TSHZ2: variants seen among roughly 807,000 people sequenced by gnomAD.
The protein encoded by TSHZ2 is teashirt homolog 2.
Under a neutral mutation model 74.4 loss-of-function variants are expected in TSHZ2, and 21 were observed. That is an observed-to-expected ratio of 0.28 (90% CI 0.20 to 0.41). The LOEUF (loss-of-function observed/expected upper bound fraction) is 0.41, where lower values mean the gene tolerates loss of function less well. Among genes scored for constraint, TSHZ2 ranks in the 10% least tolerant of loss-of-function variants. The probability of loss-of-function intolerance (pLI) is 1.00; values close to 1 mark genes in which losing one functional copy is unlikely to be tolerated. For missense variants in TSHZ2, 1,244 were observed against 1,293.5 expected, an observed-to-expected ratio of 0.96 and a Z score of 0.59; for synonymous variants, 540 against 515.3, an observed-to-expected ratio of 1.05 and a Z score of -0.65.
intron 1 of TSHZ2, among the ~76,000 whole-genome samples, chr20:53,049,706 G>A (rs752894104): frequency 3.9e-5 from 6 of 152,064 alleles, no homozygotes; most frequent in Non-Finnish European, 5.9e-5. Context: ...GGGAGGTGGG[G>A]TGGGGAAGGA....
intron 2 of TSHZ2, among the ~76,000 whole-genome samples, chr20:53,314,901 C>T (rs1189167735): frequency 6.6e-6 from 1 of 152,146 alleles, no homozygotes; most frequent in African/African-American, 2.4e-5. Flanking sequence ...GGATTACAGG[C>T]GTGAGCCACC....
intron 2 of TSHZ2, among the ~76,000 whole-genome samples, chr20:53,298,746 G>A (rs1991427725): frequency 6.6e-6 from 1 of 152,222 alleles, no homozygotes; most frequent in African/African-American, 2.4e-5. Flanking sequence ...ATGCTACTGA[G>A]TGAGGAAAAC....
intron 1 of TSHZ2, among the ~76,000 whole-genome samples, chr20:53,099,492 G>C (rs958679186): frequency 2.0e-5 from 3 of 152,024 alleles, no homozygotes; most frequent in African/African-American, 7.3e-5. Context: ...ACTTCTTACT[G>C]CCTGAACATA....
intron 2 of TSHZ2, among the ~76,000 whole-genome samples, chr20:53,391,210 G>A (rs922321135): frequency 2.0e-5 from 3 of 152,202 alleles, no homozygotes; most frequent in African/African-American, 7.2e-5. Flanking sequence ...GCAGTGGCAC[G>A]ATCTCGGCTC....
intron 1 of TSHZ2, among the ~76,000 whole-genome samples, chr20:53,203,704 G>C (rs1989067661): frequency 6.6e-6 from 1 of 152,158 alleles, no homozygotes; most frequent in Non-Finnish European, 1.5e-5. Flanking sequence ...TTTACCAAGA[G>C]AAACCAGGAA....
At chr20:53,038,978 C>T (rs1600660155) in intron 1 of TSHZ2, among the ~76,000 whole-genome samples, 1 of 151,878 alleles carries the variant, frequency 6.6e-6, no homozygotes, top group South Asian at 2.1e-4. Flanking sequence ...CTCACAGCAA[C>T]CTCTGCCTCC....
rs533200361 is a variant in TSHZ2, at chr20:53,009,658, T to C, written c.40+36325T>C. On this transcript the variant is annotated intron_variant, in intron 1 of 2. Transcript: ENST00000371497. ...AGTTCCATAAACTTTCAATGTTAAC[T>C]TTTTTAGCCCCAAAGTTTAGAAGAT... 1.0e-4 allele frequency among the ~76,000 whole-genome samples: 15 copies of C among 146,764 alleles called. No individual in the cohort carries two copies. The East Asian group carries it at 3.0e-3, about 29-fold the overall frequency.
At chr20:53,142,334 C>T (rs927463620) in intron 1 of TSHZ2, among the ~76,000 whole-genome samples, 1 of 152,156 alleles carries the variant, frequency 6.6e-6, no homozygotes, top group Non-Finnish European at 1.5e-5. Context: ...CGGTTCAGAC[C>T]GGAAGAACAG....
At chr20:53,069,271 T>C (rs1294225813) in intron 1 of TSHZ2, among the ~76,000 whole-genome samples, 1 of 152,148 alleles carries the variant, frequency 6.6e-6, no homozygotes, top group Non-Finnish European at 1.5e-5. Flanking sequence ...TGGAAGTATA[T>C]GTTGTTTATC....
At chr20:53,415,156 A>G (rs763145668) in intron 2 of TSHZ2, among the ~76,000 whole-genome samples, 3 of 152,112 alleles carry the variant, frequency 2.0e-5, no homozygotes, top group African/African-American at 7.2e-5. Flanking sequence ...TCTCTCTTTC[A>G]TTTGCCTTTA....
chr20:53,106,312 G>A (rs1327039181), intron 1 of TSHZ2, among the ~76,000 whole-genome samples: 3 of 147,720 alleles, frequency 2.0e-5, no homozygotes, highest in African/African-American at 7.5e-5. Flanking sequence ...TATAAGTGAG[G>A]TCATACTGTA....
intron 1 of TSHZ2, among the ~76,000 whole-genome samples, chr20:53,100,617 C>T (rs1394813888): frequency 6.6e-6 from 1 of 152,134 alleles, no homozygotes; most frequent in South Asian, 2.1e-4. Context: ...TTTGTGTCAA[C>T]GTTCCCAAGG....
chr20:53,340,045 G>A (rs1535178), intron 2 of TSHZ2, among the ~76,000 whole-genome samples: 40,112 of 151,890 alleles, frequency 0.26, 5,844 homozygotes, highest in East Asian at 0.44. Context: ...AATTGCATCT[G>A]TTCAACTCAA....
rs534774968 is a variant in TSHZ2, at chr20:53,058,550, GC to G, written c.40+85219del. On this transcript the variant is annotated intron_variant, in intron 1 of 2. Transcript: ENST00000371497. Reference sequence around the variant, plus strand: ...CATGGGGCCCTGTCTGACAGCACGGGCCACACACCCATGAAGCTGACCCCGT... The same window carrying G: ...CATGGGGCCCTGTCTGACAGCACGGGCACACACCCATGAAGCTGACCCCGT... 2.5e-3 allele frequency among the ~76,000 whole-genome samples: 376 copies of G among 152,310 alleles called. 1 individual carries two copies. Among genetic ancestry groups the G allele is most frequent in the Non-Finnish European group, 3.8e-3 (261 of 68,042 alleles).
chr20:53,306,097 A>C (rs1363764741), intron 2 of TSHZ2, among the ~76,000 whole-genome samples: 1 of 151,874 alleles, frequency 6.6e-6, no homozygotes, highest in Non-Finnish European at 1.5e-5. Flanking sequence ...GGTTCTGCTC[A>C]CTCATCTTGG....
chr20:53,282,262 T>C (rs1018692621), intron 2 of TSHZ2, among the ~76,000 whole-genome samples: 1 of 152,238 alleles, frequency 6.6e-6, no homozygotes, highest in African/African-American at 2.4e-5. Context: ...GACTTTCACC[T>C]GATTGTCACT....
intron 1 of TSHZ2, among the ~76,000 whole-genome samples, chr20:53,039,596 T>G (rs539692701): frequency 3.0e-4 from 45 of 152,266 alleles, no homozygotes; most frequent in Admixed American, 8.5e-4. Context: ...TTGGTCAACA[T>G]GGTGAAACTC....
rs1486183298 is a variant in TSHZ2 at position 53,255,193 on chromosome 20, G to A, written c.1735G>A (p.Ala579Thr). 2 of 1,614,198 alleles carry A rather than the reference G, an allele frequency of 1.2e-6. No individual in the cohort carries two copies. The highest frequency in any genetic ancestry group is 8.5e-7 in the Non-Finnish European group (1 of 1,180,040). The change falls in exon 2 of 3, where the codon GCA becomes ACA. Residue 579 changes from alanine (A) to threonine (T), a missense_variant. Ala to Thr is a moderately conservative substitution (Grantham distance 58). Coordinates refer to ENST00000371497, the MANE Select transcript of TSHZ2 (RefSeq NM_173485.6). This position sits in a 1 kb window ranked among gnomAD's most constrained non-coding sequence, Gnocchi z 4.1. ...PNLTNKLRPIAPKWKVMPLVS... is the reference protein window; with the variant it reads ...PNLTNKLRPITPKWKVMPLVS... ...TCTCACCAACAAGCTGAGGCCCATT[G>A]CACCAAAGTGGAAAGTGATGCCACT...
chr20:52,994,427 T>C (rs1337807020), intron 1 of TSHZ2, among the ~76,000 whole-genome samples: 1 of 150,932 alleles, frequency 6.6e-6, no homozygotes, highest in Non-Finnish European at 1.5e-5. Context: ...GATGGATGGA[T>C]GGATGGATGA....
Sources: gnomAD v4.1 joint callset for allele counts (sites outside exome capture counted in the v4.1 genomes callset) on GRCh38, gnomAD v4.1.1 for gene constraint, Gnocchi (gnomAD v3.1) non-coding constraint, MANE v1.5 for transcripts, NCBI Gene and HGNC (gene_info 2026-07-23, HGNC 2026-07-21) for gene names.